MYCBP2: variants seen among roughly 807,000 people sequenced by gnomAD.
The protein encoded by MYCBP2 is MYC binding protein 2.
In MYCBP2, 120 loss-of-function variants were observed where a neutral mutation model predicts 525.3. The observed-to-expected ratio is 0.23, with a 90% confidence interval of 0.20 to 0.27. The LOEUF (loss-of-function observed/expected upper bound fraction) is 0.27, where lower values mean the gene tolerates loss of function less well. MYCBP2 is among the 10% of genes least tolerant of loss of function. MYCBP2 has a pLI of 1.00. For synonymous variants in MYCBP2, 1,894 were observed against 1,955.8 expected (o/e 0.97, Z 0.83); for missense variants, 4,149 against 5,657.1 (o/e 0.73, Z 8.55).
intron 55 of MYCBP2, among the ~76,000 whole-genome samples, chr13:77,118,055 T>C (rs1218529623): frequency 6.6e-6 from 1 of 152,198 alleles, no homozygotes; most frequent in Non-Finnish European, 1.5e-5. Context: ...GTGAAATGGC[T>C]TTATCCTTTT....
intron 8 of MYCBP2, among the ~76,000 whole-genome samples, chr13:77,265,509 AG>A (rs1363480667): frequency 6.6e-6 from 1 of 152,180 alleles, no homozygotes; most frequent in East Asian, 1.9e-4. Context: ...AGATAAAAAA[AG>A]TATGTTTTAA....
intron 17 of MYCBP2, among the ~76,000 whole-genome samples, chr13:77,238,407 T>C (rs555066833): frequency 1.3e-5 from 2 of 152,286 alleles, no homozygotes; most frequent in East Asian, 1.9e-4. Flanking sequence ...AGTTTAATTT[T>C]CCTTACGAAA....
intron 69 of MYCBP2, among the ~76,000 whole-genome samples, chr13:77,070,276 C>A (rs752423916): frequency 3.6e-4 from 55 of 152,082 alleles, no homozygotes; most frequent in Non-Finnish European, 6.9e-4. Flanking sequence ...CATAAAAAAG[C>A]CTTCATAAAT....
chr13:77,289,561 G>A (rs914759200), intron 2 of MYCBP2, among the ~76,000 whole-genome samples: 4 of 151,866 alleles, frequency 2.6e-5, no homozygotes, highest in Non-Finnish European at 5.9e-5. Flanking sequence ...TTCTCAACTT[G>A]ATAAAGGGTA....
At chr13:77,211,027 C>T (rs984903485) in intron 23 of MYCBP2, 140 bp downstream of exon 23, 1 of 554,356 alleles carries the variant, frequency 1.8e-6, no homozygotes, top group African/African-American at 2.0e-5. Context: ...CCCTGTGAAT[C>T]ACTGAGACAG....
intron 7 of MYCBP2, among the ~76,000 whole-genome samples, 183 bp downstream of exon 7, chr13:77,269,809 T>C (rs565433829): frequency 1.7e-4 from 26 of 152,274 alleles, no homozygotes; most frequent in African/African-American, 5.5e-4. Flanking sequence ...AGAACTAAAA[T>C]TGAACCTCTT....
At chr13:77,094,445 A>T (rs1301146749) in intron 58 of MYCBP2, among the ~76,000 whole-genome samples, 1 of 152,168 alleles carries the variant, frequency 6.6e-6, no homozygotes, top group African/African-American at 2.4e-5. Context: ...ATTGCAAACC[A>T]GTTCATGTAT....
chr13:77,208,975 A>G (rs939183663), intron 23 of MYCBP2, among the ~76,000 whole-genome samples: 5 of 152,222 alleles, frequency 3.3e-5, no homozygotes, highest in Admixed American at 6.5e-5. Context: ...GTAAGCTAAT[A>G]TTGGATGTGC....
At chr13:77,219,471 T>TA (rs2065251647) in intron 20 of MYCBP2, among the ~76,000 whole-genome samples, 1 of 151,818 alleles carries the variant, frequency 6.6e-6, no homozygotes, top group East Asian at 1.9e-4. Flanking sequence ...TTTTTTTTTT[T>TA]AATGATAAGA....
At chr13:77,288,104 A>T in intron 3 of MYCBP2, 57 bp downstream of exon 3, 25 of 1,548,684 alleles carry the variant, frequency 1.6e-5, no homozygotes, top group Non-Finnish European at 2.2e-5. Flanking sequence ...TATATGCATT[A>T]TAGCCAGAAC....
Position 77,081,794 on chromosome 13 carries a change from A to G in MYCBP2, c.11193+43T>C. On this transcript the variant is annotated intron_variant, in intron 64 of 82. Coordinates refer to ENST00000544440, the MANE Select transcript of MYCBP2 (RefSeq NM_015057.5). This position sits in a 1 kb window ranked among gnomAD's most constrained non-coding sequence, Gnocchi z 4.6. The stretch of plus-strand genomic sequence containing the variant: ...CTTACAGTTTCTCCTTTGATGTATT[A>G]TTAACTAACAGGACAACCAGGATAA... 6.3e-7 allele frequency: 1 copy of G among 1,586,848 alleles called. No homozygotes were observed. Among genetic ancestry groups the G allele is most frequent in the South Asian group, 1.2e-5 (1 of 85,560 alleles).
chr13:77,076,704 A>G lies in MYCBP2; in HGVS notation c.11823+47T>C, dbSNP rs1400900495. On this transcript the variant is annotated intron_variant, in intron 68 of 82. Transcript: ENST00000544440. ...AATAAATGAATTATTTCACTGAAAAAAAGAATAAAAAAGGGAAATAAATAT... is the reference window on the plus strand; with the variant it reads ...AATAAATGAATTATTTCACTGAAAAGAAGAATAAAAAAGGGAAATAAATAT... 9 of 1,196,380 alleles carry G rather than the reference A, an allele frequency of 7.5e-6. No homozygotes were observed. In the East Asian group the frequency reaches 1.5e-4, roughly 20 times the overall value. 74.1% of individuals were successfully genotyped at this position (1,196,380 alleles called of 1,614,324 possible).
chr13:77,185,064 T>C lies in MYCBP2; in HGVS notation c.4719+39A>G, dbSNP rs767369235. The C allele has an allele frequency of 5.1e-6, 8 of 1,575,182 alleles. No homozygotes were observed. In the African/African-American group the frequency reaches 8.1e-5, roughly 16 times the overall value. On this transcript the variant is annotated intron_variant, in intron 32 of 82. Coordinates refer to ENST00000544440, the MANE Select transcript of MYCBP2 (RefSeq NM_015057.5). ...TTTTCTTGAAGAGTATTAAGCAATA[T>C]ATCAGATTTTCAACTAACATTTTAC...
Position 77,189,968 on chromosome 13 carries a change from T to A in MYCBP2, c.4154+284A>T, listed in dbSNP as rs150637697. ...ACAACATTTGAAATTAGTAAGAAAA[T>A]CAATGGATAGATTTTTTTTAAAGTC... On this transcript the variant is annotated intron_variant, in intron 29 of 82. Coordinates refer to ENST00000544440, the MANE Select transcript of MYCBP2 (RefSeq NM_015057.5). 1.2e-3 allele frequency among the ~76,000 whole-genome samples: 182 copies of A among 152,216 alleles called. 1 individual carries two copies. Among genetic ancestry groups the A allele is most frequent in the African/African-American group, 3.9e-3 (164 of 41,564 alleles).
At chr13:77,278,051 T>TAC (rs2075818588) in intron 4 of MYCBP2, among the ~76,000 whole-genome samples, 3 of 152,180 alleles carry the variant, frequency 2.0e-5, no homozygotes, top group African/African-American at 7.2e-5. Context: ...AGCGAACACT[T>TAC]TATTTACTTA....
chr13:77,256,954 C>T (rs991714527), intron 14 of MYCBP2, among the ~76,000 whole-genome samples: 5 of 152,122 alleles, frequency 3.3e-5, no homozygotes, highest in African/African-American at 1.2e-4. Flanking sequence ...CAGCACTATT[C>T]ACAATAGCCA....
intron 29 of MYCBP2, 49 bp from the exon 30 acceptor site, chr13:77,189,096 T>C (rs1227711865): frequency 7.5e-7 from 1 of 1,342,144 alleles, no homozygotes; most frequent in Admixed American, 2.3e-5. Context: ...TCCAATGTCA[T>C]TTTTTCTTTT....
chr13:77,174,639 G>T, intron 36 of MYCBP2, 150 bp from the exon 37 acceptor site: 1 of 630,204 alleles, frequency 1.6e-6, no homozygotes, highest in Non-Finnish European at 2.7e-6. Context: ...AATCAAACAC[G>T]ATGACGGCTA....
rs59543063 is a variant in MYCBP2 at position 77,210,365 on chromosome 13, C to T, written c.3416+802G>A. 1.3e-4 allele frequency among the ~76,000 whole-genome samples: 20 copies of T among 151,700 alleles called. No homozygotes were observed. The South Asian group carries it at 2.1e-3, about 16-fold the overall frequency. On this transcript the variant is annotated intron_variant, in intron 23 of 82. Transcript: ENST00000544440. ...CCGCCACCACGCCCGGCTAATTTTTCGTATTTTTAGTAGAGACAGGGTTTC... is the reference window on the plus strand; with the variant it reads ...CCGCCACCACGCCCGGCTAATTTTTTGTATTTTTAGTAGAGACAGGGTTTC...
Sources: gnomAD v4.1 joint callset for allele counts (sites outside exome capture counted in the v4.1 genomes callset) on GRCh38, gnomAD v4.1.1 for gene constraint, Gnocchi (gnomAD v3.1) non-coding constraint, MANE v1.5 for transcripts, NCBI Gene and HGNC (gene_info 2026-07-23, HGNC 2026-07-21) for gene names.